The following CRYBG1 variants were observed in gnomAD, a reference collection of about 807,000 sequenced individuals.
CRYBG1 encodes the protein beta/gamma crystallin domain-containing protein 1.
A neutral mutation model predicts 189.2 loss-of-function variants in CRYBG1; 139 were observed. The ratio of observed to expected loss-of-function variants is 0.73; its 90% CI spans 0.64 to 0.85. The LOEUF is 0.85. CRYBG1 is among the 40% of genes least tolerant of loss of function. The probability of loss-of-function intolerance (pLI) is 0.00; values close to 1 mark genes in which losing one functional copy is unlikely to be tolerated. For missense variants in CRYBG1, 2,611 were observed against 2,675.8 expected (o/e 0.98, Z 0.53); for synonymous variants, 1,023 against 1,017.1 (o/e 1.01, Z -0.11).
chr6:106,550,118 T>C (rs1212772351), intron 13 of CRYBG1, among the ~76,000 whole-genome samples: 1 of 152,202 alleles, frequency 6.6e-6, no homozygotes, highest in African/African-American at 2.4e-5. Flanking sequence ...CTTACCCATC[T>C]GTGGGCTTTG....
intron 1 of CRYBG1, among the ~76,000 whole-genome samples, chr6:106,377,621 TTA>T (rs373644273): frequency 0.017 from 1,158 of 69,472 alleles, 78 homozygotes; most frequent in African/African-American, 0.036. Flanking sequence ...TCCTAAGGTT[TTA>T]TATATATATA....
At chr6:106,503,590 C>T (rs966774981) in intron 2 of CRYBG1, among the ~76,000 whole-genome samples, 8 of 152,298 alleles carry the variant, frequency 5.3e-5, no homozygotes, top group South Asian at 2.1e-4. Context: ...CACAGGTTGC[C>T]TCTTTAAGGT....
At chr6:106,435,268 C>T (rs1302623329) in intron 1 of CRYBG1, among the ~76,000 whole-genome samples, 2 of 152,048 alleles carry the variant, frequency 1.3e-5, no homozygotes, top group Admixed American at 1.3e-4. Flanking sequence ...TCAGCTCAAG[C>T]CATCCTCCTC....
chr6:106,433,137 C>T (rs1456806530), intron 1 of CRYBG1, among the ~76,000 whole-genome samples: 1 of 152,118 alleles, frequency 6.6e-6, no homozygotes, highest in African/African-American at 2.4e-5. Context: ...CCATGCCCAG[C>T]CGCTATTTTC....
intron 1 of CRYBG1, among the ~76,000 whole-genome samples, chr6:106,429,553 G>GATAT: frequency 6.6e-6 from 1 of 152,162 alleles, no homozygotes; most frequent in East Asian, 1.9e-4. Flanking sequence ...ATTGCTGTGG[G>GATAT]ATATATTCCT....
At chr6:106,480,901 G>A (rs1377264414) in intron 2 of CRYBG1, among the ~76,000 whole-genome samples, 1 of 150,114 alleles carries the variant, frequency 6.7e-6, no homozygotes, top group Non-Finnish European at 1.5e-5. Context: ...AACCTGGGAG[G>A]CGGAGGTTGC....
In CRYBG1 at chr6:106,502,661, A is replaced by C. The variant is rs574206158; in HGVS notation, c.313-8769A>C. Among the ~76,000 whole-genome samples, 28 of 152,302 alleles carry C rather than the reference A, an allele frequency of 1.8e-4. No homozygotes were observed. The South Asian group carries it at 5.8e-3, about 32-fold the overall frequency. ...GACTATTCAAAGTACAGGTAGAGAA[A>C]CCTTCTGGGGTACTTGTTAGTCATA... is the stretch of plus-strand genomic sequence containing the variant. On this transcript the variant is annotated intron_variant, in intron 2 of 21. Transcript: ENST00000633556.
At chr6:106,368,923 A>G (rs1466339568) in intron 1 of CRYBG1, among the ~76,000 whole-genome samples, 6 of 152,234 alleles carry the variant, frequency 3.9e-5, no homozygotes, top group Admixed American at 3.9e-4. Flanking sequence ...TTAAAGCTTG[A>G]AGGAACCATA....
At chr6:106,517,266 C>A (rs1773444660) in intron 3 of CRYBG1, among the ~76,000 whole-genome samples, 1 of 149,290 alleles carries the variant, frequency 6.7e-6, no homozygotes, top group Non-Finnish European at 1.5e-5. Flanking sequence ...CCTCCTTGAC[C>A]TCCCAAAGTA....
At chr6:106,432,651 G>A (rs545853847) in intron 1 of CRYBG1, among the ~76,000 whole-genome samples, 2 of 152,204 alleles carry the variant, frequency 1.3e-5, no homozygotes, top group East Asian at 3.9e-4. Flanking sequence ...CTAAACAGGT[G>A]CAAAAAAATG....
intron 2 of CRYBG1, among the ~76,000 whole-genome samples, chr6:106,453,025 A>T (rs1308631503): frequency 6.6e-6 from 1 of 152,246 alleles, no homozygotes; most frequent in African/African-American, 2.4e-5. Context: ...CCATATATTA[A>T]CGGTTTAAAA....
intron 1 of CRYBG1, among the ~76,000 whole-genome samples, chr6:106,445,990 A>G (rs1771657006): frequency 6.6e-6 from 1 of 152,192 alleles, no homozygotes; most frequent in East Asian, 1.9e-4. Flanking sequence ...GGCTTCCAGT[A>G]CCATGTACAT....
chr6:106,489,036 C>T (rs1355265081), intron 2 of CRYBG1, among the ~76,000 whole-genome samples: 2 of 152,154 alleles, frequency 1.3e-5, no homozygotes, highest in Non-Finnish European at 2.9e-5. Context: ...GGCCTTCCTG[C>T]AGCAATGACT....
chr6:106,400,410 T>C (rs1236883361), intron 1 of CRYBG1, among the ~76,000 whole-genome samples: 1 of 152,256 alleles, frequency 6.6e-6, no homozygotes, highest in Non-Finnish European at 1.5e-5. Context: ...ATTGTGCTTA[T>C]GTTTTCTTCA....
intron 21 of CRYBG1, among the ~76,000 whole-genome samples, 154 bp downstream of exon 21, chr6:106,564,080 C>T (rs565988418): frequency 6.6e-6 from 1 of 152,328 alleles, no homozygotes; most frequent in East Asian, 1.9e-4. Context: ...TAGCCACTTT[C>T]AGTACACCAT....
chr6:106,558,710 C>A, intron 18 of CRYBG1, 85 bp downstream of exon 18: 1 of 1,143,404 alleles, frequency 8.7e-7, no homozygotes, highest in Non-Finnish European at 1.2e-6. Flanking sequence ...CGCCTGTATT[C>A]CCAACACTTT....
chr6:106,399,658 C>CTTTTT (rs34726734), intron 1 of CRYBG1, among the ~76,000 whole-genome samples: 2 of 140,336 alleles, frequency 1.4e-5, no homozygotes, highest in Non-Finnish European at 1.5e-5. Context: ...GTTTTTCTTT[C>CTTTTT]TTTTTTTTTT....
intron 1 of CRYBG1, among the ~76,000 whole-genome samples, chr6:106,373,164 G>C (rs576158): frequency 4.6e-5 from 7 of 151,982 alleles, no homozygotes; most frequent in African/African-American, 1.7e-4. Flanking sequence ...TGTACAGAAG[G>C]GTATCCAGGA....
chr6:106,530,281 C>T lies in CRYBG1; in HGVS notation c.4684C>T (p.Gln1562Ter), dbSNP rs891875001. ...TEEMQGFGVMQKTCSMKVHWG... is the reference protein window; with the variant it reads ...TEEMQGFGVM The stretch of plus-strand genomic sequence containing the variant: ...AGAAATGCAGGGATTTGGTGTAATG[C>T]AGAAGACTTGTTCCATGAAAGTACA... Residue 1562 changes from glutamine to a stop codon, truncating the protein, a stop_gained, in exon 8 of 22, where the codon CAG becomes TAG. Transcript: ENST00000633556. LOFTEE classifies it high-confidence loss of function. 1 of 1,612,588 alleles carries T rather than the reference C, an allele frequency of 6.2e-7. No homozygotes were observed. Among genetic ancestry groups the T allele is most frequent in the Admixed American group, 1.7e-5 (1 of 59,764 alleles).
Sources: allele counts gnomAD v4.1 joint callset (sites outside exome capture counted in the v4.1 genomes callset), GRCh38; gene constraint gnomAD v4.1.1; transcripts MANE v1.5; gene names NCBI Gene and HGNC (gene_info 2026-07-23, HGNC 2026-07-21).